Variants in NDUFAF2 observed in about 807,000 individuals in gnomAD.
NDUFAF2 encodes the protein NADH:ubiquinone oxidoreductase complex assembly factor 2.
In NDUFAF2, 13 loss-of-function variants were observed where a neutral mutation model predicts 22.8. The ratio of observed to expected loss-of-function variants is 0.57; its 90% CI spans 0.37 to 0.91. The LOEUF (loss-of-function observed/expected upper bound fraction) is 0.91, where lower values mean the gene tolerates loss of function less well. Among genes scored for constraint, NDUFAF2 ranks in the 40% least tolerant of loss-of-function variants. The probability of loss-of-function intolerance (pLI) is 0.01; values close to 1 mark genes in which losing one functional copy is unlikely to be tolerated. For synonymous variants in NDUFAF2, 53 were observed against 64.2 expected, an observed-to-expected ratio of 0.83 and a Z score of 0.84; for missense variants, 162 against 195.2, an observed-to-expected ratio of 0.83 and a Z score of 1.01.
At chr5:60,994,720 T>C (rs917570285) in intron 1 of NDUFAF2, among the ~76,000 whole-genome samples, 1 of 152,272 alleles carries the variant, frequency 6.6e-6, no homozygotes, top group Non-Finnish European at 1.5e-5. Context: ...TGTACTTGGA[T>C]ACTGATACCT....
intron 1 of NDUFAF2, among the ~76,000 whole-genome samples, chr5:60,972,434 G>A (rs775288337): frequency 6.6e-6 from 1 of 152,088 alleles, no homozygotes; most frequent in South Asian, 2.1e-4. Flanking sequence ...AGATCTGACA[G>A]TTTTGTAAGG....
intron 1 of NDUFAF2, among the ~76,000 whole-genome samples, chr5:60,947,554 T>A (rs1174181218): frequency 6.6e-6 from 1 of 151,996 alleles, no homozygotes; most frequent in African/African-American, 2.4e-5. Context: ...TCACCTGAGA[T>A]CAGGAGTTCC....
At chr5:61,064,929 CAA>C (rs536506060) in intron 1 of NDUFAF2, among the ~76,000 whole-genome samples, 43 of 151,274 alleles carry the variant, frequency 2.8e-4, no homozygotes, top group Non-Finnish European at 5.3e-4. Context: ...GTCAATAAAA[CAA>C]AGAGTTGGTT....
intron 1 of NDUFAF2, among the ~76,000 whole-genome samples, chr5:61,054,846 A>G (rs557589412): frequency 6.6e-6 from 1 of 152,308 alleles, no homozygotes; most frequent in Admixed American, 6.5e-5. Flanking sequence ...GCATTGCTTT[A>G]AACAAAAGTT....
chr5:60,983,019 G>C (rs1020827960), intron 1 of NDUFAF2, among the ~76,000 whole-genome samples: 3 of 151,698 alleles, frequency 2.0e-5, no homozygotes, highest in African/African-American at 7.3e-5. Flanking sequence ...CCCACCAACA[G>C]TGTAAAAGTG....
At chr5:60,972,263 T>G (rs1380519120) in intron 1 of NDUFAF2, among the ~76,000 whole-genome samples, 3 of 151,714 alleles carry the variant, frequency 2.0e-5, no homozygotes, top group Non-Finnish European at 4.4e-5. Flanking sequence ...TTTTTAATTC[T>G]TAGCATTTGA....
intron 3 of NDUFAF2, among the ~76,000 whole-genome samples, chr5:61,110,850 T>G (rs149799151): frequency 6.6e-6 from 1 of 152,196 alleles, no homozygotes; most frequent in East Asian, 1.9e-4. Flanking sequence ...ATTTCTTTTC[T>G]TCTACTAATT....
At chr5:61,128,776 A>C (rs942477619) in intron 3 of NDUFAF2, among the ~76,000 whole-genome samples, 4 of 152,214 alleles carry the variant, frequency 2.6e-5, no homozygotes, top group Admixed American at 1.3e-4. Context: ...AAGCAATGGC[A>C]ACAAAAGCCA....
chr5:60,980,192 A>G (rs1281794088), intron 1 of NDUFAF2, among the ~76,000 whole-genome samples: 1 of 152,194 alleles, frequency 6.6e-6, no homozygotes, highest in African/African-American at 2.4e-5. Context: ...ATGAGTACAA[A>G]CAAGTCTAGA....
At chr5:60,958,085 C>T (rs1316571668) in intron 1 of NDUFAF2, among the ~76,000 whole-genome samples, 2 of 152,158 alleles carry the variant, frequency 1.3e-5, no homozygotes, top group Admixed American at 1.3e-4. Flanking sequence ...CAAGTCTGTT[C>T]ACTTGTGCTA....
At position 60,998,609 on chromosome 5, in the gene NDUFAF2, C is replaced by T. The variant is rs1055369465; in HGVS notation, c.127+53227C>T. ...ATAAACTATAAAATGTGATGGGGTTCGAGTCATGTGCTCTCTTCAGAGTGA... is the reference window on the plus strand; with the variant it reads ...ATAAACTATAAAATGTGATGGGGTTTGAGTCATGTGCTCTCTTCAGAGTGA... On this transcript the variant is annotated intron_variant, in intron 1 of 3. Coordinates refer to ENST00000296597, the MANE Select transcript of NDUFAF2 (RefSeq NM_174889.5). Among the ~76,000 whole-genome samples the T allele has an allele frequency of 8.5e-5, 13 of 152,060 alleles. No homozygotes were observed. In the South Asian group the frequency reaches 1.7e-3, roughly 19 times the overall value.
intron 2 of NDUFAF2, among the ~76,000 whole-genome samples, chr5:61,094,107 A>T (rs576547730): frequency 1.3e-5 from 2 of 152,128 alleles, no homozygotes; most frequent in African/African-American, 4.8e-5. Context: ...GATACCCCGT[A>T]TCTTTTAGAT....
Position 61,099,078 on chromosome 5 carries a change from A to G in NDUFAF2, c.258+46A>G, listed in dbSNP as rs756056592. 9 of 1,353,220 alleles carry G rather than the reference A, an allele frequency of 6.7e-6. No individual in the cohort carries two copies. The South Asian group carries it at 1.4e-4, about 22-fold the overall frequency. 83.8% of individuals were successfully genotyped at this position (1,353,220 alleles called of 1,614,324 possible). A position where few individuals can be genotyped will look rare whatever the true frequency, so the allele number is the denominator to read the frequency against. On this transcript the variant is annotated intron_variant, in intron 3 of 3. Coordinates refer to ENST00000296597, the MANE Select transcript of NDUFAF2 (RefSeq NM_174889.5). ...TATCATTTAGGAGTATATATTCCCA[A>G]GGATATACGAAGCTTCAGAAAAACT... is the stretch of plus-strand genomic sequence containing the variant.
At chr5:61,131,237 C>G (rs1753108167) in intron 3 of NDUFAF2, among the ~76,000 whole-genome samples, 4 of 150,608 alleles carry the variant, frequency 2.7e-5, no homozygotes, top group Non-Finnish European at 4.4e-5. Context: ...ACTTTCTTTC[C>G]CAGGCTGGAG....
At chr5:61,053,940 T>G (rs1176400375) in intron 1 of NDUFAF2, among the ~76,000 whole-genome samples, 1 of 152,168 alleles carries the variant, frequency 6.6e-6, no homozygotes, top group Non-Finnish European at 1.5e-5. Flanking sequence ...CAATTAAAAA[T>G]TTTAATTTTG....
intron 3 of NDUFAF2, among the ~76,000 whole-genome samples, chr5:61,107,044 TATACAC>T (rs1237099530): frequency 0.018 from 1,186 of 64,800 alleles, 55 homozygotes; most frequent in African/African-American, 0.077. Flanking sequence ...TTTGGATAAA[TATACAC>T]ACACACACAC....
At chr5:61,060,790 A>G (rs1752155534) in intron 1 of NDUFAF2, among the ~76,000 whole-genome samples, 1 of 152,166 alleles carries the variant, frequency 6.6e-6, no homozygotes, top group Non-Finnish European at 1.5e-5. Flanking sequence ...ACTATCACCA[A>G]GAATTATATA....
chr5:61,123,755 T>G (rs1184123855), intron 3 of NDUFAF2, among the ~76,000 whole-genome samples: 2 of 152,196 alleles, frequency 1.3e-5, no homozygotes, highest in East Asian at 3.8e-4. Flanking sequence ...CAATTAGCAA[T>G]GAAGGTGTAA....
At chr5:61,074,173 C>T (rs1189188106) in intron 2 of NDUFAF2, among the ~76,000 whole-genome samples, 6 of 152,156 alleles carry the variant, frequency 3.9e-5, no homozygotes, top group African/African-American at 1.2e-4. Flanking sequence ...TACCTGAGGC[C>T]GGGAGTGGTG....
Sources: gnomAD v4.1 joint callset for allele counts (sites outside exome capture counted in the v4.1 genomes callset) on GRCh38, gnomAD v4.1.1 for gene constraint, MANE v1.5 for transcripts, NCBI Gene and HGNC (gene_info 2026-07-23, HGNC 2026-07-21) for gene names.